CPAMD8: variants seen among roughly 807,000 people sequenced by gnomAD.
CPAMD8 encodes the protein C3 and PZP-like alpha-2-macroglobulin domain-containing protein 8.
A neutral mutation model predicts 224.7 loss-of-function variants in CPAMD8; 146 were observed. That is an observed-to-expected ratio of 0.65 (90% CI 0.57 to 0.75). The LOEUF (loss-of-function observed/expected upper bound fraction) is 0.75. Ranked by LOEUF, CPAMD8 falls within the 30% of genes least tolerant of loss-of-function variation. The probability of loss-of-function intolerance (pLI) is 0.00; values close to 1 mark genes in which losing one functional copy is unlikely to be tolerated. For missense variants in CPAMD8, 2,301 were observed against 2,537.5 expected, an observed-to-expected ratio of 0.91 and a Z score of 2.00; for synonymous variants, 966 against 1,044.6, an observed-to-expected ratio of 0.92 and a Z score of 1.45.
In CPAMD8 at chr19:16,928,088, C is replaced by A. The variant is rs2053428695; in HGVS notation, c.3291G>T (p.Glu1097Asp). ...CCAGGGTGAAGGCCTCGCTGTAGCT[C>A]TCGTCCACCTCCATCTTCCTCCAGA... ...FRIWRKMEVD[E>D]SYSEAFTLGV... The change falls in exon 25 of 42, where the codon GAG becomes GAT. Residue 1097 changes from glutamate to aspartate, a missense_variant. By Grantham distance (45) the Glu-to-Asp change is conservative. Coordinates refer to ENST00000443236, the MANE Select transcript of CPAMD8 (RefSeq NM_015692.5). 1.9e-6 allele frequency: 3 copies of A among 1,614,058 alleles called. No individual in the cohort carries two copies. Among genetic ancestry groups the A allele is most frequent in the Non-Finnish European group, 2.5e-6 (3 of 1,180,010 alleles).
intron 5 of CPAMD8, among the ~76,000 whole-genome samples, 188 bp downstream of exon 5, chr19:17,011,276 C>G (rs547909067): frequency 6.6e-6 from 1 of 152,136 alleles, no homozygotes; most frequent in Non-Finnish European, 1.5e-5. Context: ...GGCAGTGGGC[C>G]AGGCACGCCC....
At position 16,899,485 on chromosome 19, in the gene CPAMD8, TAG is replaced by T; in HGVS notation, c.4836_4837del (p.Phe1612LeufsTer3). 6.5e-7 allele frequency: 1 copy of T among 1,536,150 alleles called. No individual in the cohort carries two copies. The highest frequency in any genetic ancestry group is 9.0e-7 in the Non-Finnish European group (1 of 1,109,554). On this transcript the variant is annotated frameshift_variant, in exon 37 of 42. Transcript: ENST00000443236. LOFTEE classifies it high-confidence loss of function. This position sits in a 1 kb window ranked among gnomAD's most constrained non-coding sequence, Gnocchi z 5.4. The stretch of plus-strand genomic sequence containing the variant: ...CCCGGCTGGTGGTACCTCATCAAAG[TAG>T]AAGAGCACTCGGCGTCCAGCCACTT...
intron 20 of CPAMD8, among the ~76,000 whole-genome samples, chr19:16,948,277 A>G (rs1173785439): frequency 1.3e-5 from 2 of 152,206 alleles, no homozygotes; most frequent in Non-Finnish European, 2.9e-5. Flanking sequence ...AAGGACTGGC[A>G]CAGAGGCTGC....
chr19:16,961,654 G>T (rs781140727), intron 18 of CPAMD8, among the ~76,000 whole-genome samples: 7 of 152,238 alleles, frequency 4.6e-5, no homozygotes, highest in Non-Finnish European at 8.8e-5. Context: ...CAGCTCTGAA[G>T]ACAGCAGTCA....
chr19:16,904,176 A>ACCCCCCCCCCCCCCCCC, intron 32 of CPAMD8, 50 bp downstream of exon 32: 4 of 937,340 alleles, frequency 4.3e-6, no homozygotes, highest in East Asian at 2.6e-5. Context: ...GACTGCAGGG[A>ACCCCCCCCCCCCCCCCC]CCCCACCCAC....
chr19:16,926,449 C>A (rs1301073404), intron 25 of CPAMD8, among the ~76,000 whole-genome samples: 1 of 152,202 alleles, frequency 6.6e-6, no homozygotes, highest in Non-Finnish European at 1.5e-5. Flanking sequence ...TCCCAAGTAG[C>A]TGGGATTACA....
intron 17 of CPAMD8, among the ~76,000 whole-genome samples, chr19:16,974,781 A>C (rs1287477519): frequency 6.6e-6 from 1 of 152,116 alleles, no homozygotes; most frequent in Admixed American, 6.6e-5. Context: ...AGCCAGGGCC[A>C]CGTAGCAAGA....
chr19:16,931,495 C>T (rs527991276), intron 23 of CPAMD8, among the ~76,000 whole-genome samples: 32 of 152,280 alleles, frequency 2.1e-4, no homozygotes, highest in South Asian at 2.1e-4. Flanking sequence ...GCTTGGGAGC[C>T]GGAGGGTCAT....
intron 23 of CPAMD8, among the ~76,000 whole-genome samples, chr19:16,931,348 G>A (rs907079826): frequency 4.6e-5 from 7 of 152,260 alleles, no homozygotes; most frequent in African/African-American, 1.4e-4. Context: ...GCTCCTCCTA[G>A]GCATCTGAGG....
In CPAMD8 at chr19:16,970,932, T is replaced by C. The variant is rs764018304; in HGVS notation, c.2172A>G (p.Thr724=). Reference sequence around the variant, plus strand: ...AAGGAGCCACTGCCACCAGGCTCCCTGTGTGGGGCTGGAAAGCGGGGACAG... The same window carrying C: ...AAGGAGCCACTGCCACCAGGCTCCCCGTGTGGGGCTGGAAAGCGGGGACAG... ...DEAVPAFQPH[T]GSLVAVAPSR... Residue 724 remains threonine (T), a synonymous_variant, in exon 18 of 42, where the codon ACA becomes ACG. Coordinates refer to ENST00000443236, the MANE Select transcript of CPAMD8 (RefSeq NM_015692.5). The C allele has an allele frequency of 4.3e-6, 7 of 1,613,822 alleles. No homozygotes were observed. The Admixed American group carries it at 8.3e-5, about 19-fold the overall frequency.
intron 7 of CPAMD8, among the ~76,000 whole-genome samples, chr19:17,005,303 G>T (rs555198639): frequency 6.6e-6 from 1 of 152,200 alleles, no homozygotes; most frequent in African/African-American, 2.4e-5. Flanking sequence ...TGCACCCCTT[G>T]TCCTCCACAA....
chr19:16,896,772 C>T, intron 39 of CPAMD8, 107 bp from the exon 40 acceptor site: 1 of 754,394 alleles, frequency 1.3e-6, no homozygotes, highest in Non-Finnish European at 1.9e-6. Flanking sequence ...CCCACTACCC[C>T]CTCGGTGGGT....
At chr19:16,997,712 C>A (rs545764367) in intron 10 of CPAMD8, among the ~76,000 whole-genome samples, 1 of 151,864 alleles carries the variant, frequency 6.6e-6, no homozygotes, top group South Asian at 2.1e-4. Context: ...AATAGCTGGG[C>A]GTGGTGACAG....
intron 30 of CPAMD8, among the ~76,000 whole-genome samples, chr19:16,905,306 A>G (rs982984744): frequency 2.6e-5 from 4 of 151,370 alleles, no homozygotes; most frequent in African/African-American, 7.3e-5. Flanking sequence ...ATGGCAAGGC[A>G]CGGTGGCTCA....
At position 16,893,128 on chromosome 19, in the gene CPAMD8, T is replaced by C. The variant is rs182109236; in HGVS notation, c.5638A>G (p.Asn1880Asp). Residue 1880 changes from asparagine (N) to aspartate (D), a missense_variant, in exon 42 of 42, where the codon AAC becomes GAC. Asn to Asp is a conservative substitution (Grantham distance 23, BLOSUM62 1). Coordinates refer to ENST00000443236, the MANE Select transcript of CPAMD8 (RefSeq NM_015692.5). Reference protein sequence around the residue: ...SGGEEGLWMSNTCTLR With the variant: ...SGGEEGLWMSDTCTLR ...TAGGATTATCTCAAGGTGCAGGTGTTTGACATCCATAAACCCTCCTCCCCA... is the reference window on the plus strand; with the variant it reads ...TAGGATTATCTCAAGGTGCAGGTGTCTGACATCCATAAACCCTCCTCCCCA... 2.0e-3 allele frequency: 2,959 copies of C among 1,486,714 alleles called. 12 individuals are homozygous for C. The highest frequency in any genetic ancestry group is 8.6e-3 in the South Asian group (758 of 87,924). The allele number at this position is 1,486,714 out of a possible 1,614,324, so 92.1% of individuals were successfully genotyped here. A position where few individuals can be genotyped will look rare whatever the true frequency, so the allele number is the denominator to read the frequency against.
rs533531294 is a variant in CPAMD8, at chr19:16,970,171, G to A, written c.2213+720C>T. On this transcript the variant is annotated intron_variant, in intron 18 of 41. Coordinates refer to ENST00000443236, the MANE Select transcript of CPAMD8 (RefSeq NM_015692.5). The stretch of plus-strand genomic sequence containing the variant: ...GGAGAATGGCGTGAACCTGGGAGGC[G>A]GAGCTTGCAGTGAGCTGAGATCGCA... Among the ~76,000 whole-genome samples, 18 of 147,170 alleles carry A rather than the reference G, an allele frequency of 1.2e-4. No individual in the cohort carries two copies. In the South Asian group the frequency reaches 1.9e-3, roughly 16 times the overall value.
chr19:16,932,529 T>C (rs2053574931), intron 23 of CPAMD8, among the ~76,000 whole-genome samples: 1 of 151,832 alleles, frequency 6.6e-6, no homozygotes, highest in Non-Finnish European at 1.5e-5. Context: ...ACCAAACAAA[T>C]TCTGAAACTG....
At position 16,921,935 on chromosome 19, in the gene CPAMD8, A is replaced by G. The variant is rs772846672; in HGVS notation, c.3599T>C (p.Phe1200Ser). ...YKRQDGSYSA[F>S]GERDASGSMW... ...GCTCCCCGATGCGTCCCGCTCCCCA[A>G]ACGCGCTGTAGGAGCCATCCTGGCG... The change falls in exon 27 of 42, where the codon TTT (phenylalanine) becomes TCT (serine). Residue 1200 changes from phenylalanine (F) to serine (S), a missense_variant. This residue lies in a region of CPAMD8 where 1,709 missense variants were observed against 1,753.2 expected (regional missense o/e 0.97). Coordinates refer to ENST00000443236, the MANE Select transcript of CPAMD8 (RefSeq NM_015692.5). The G allele has an allele frequency of 1.6e-5, 25 of 1,547,062 alleles. No homozygotes were observed. Among genetic ancestry groups the G allele is most frequent in the Non-Finnish European group, 2.2e-5 (25 of 1,146,738 alleles).
At chr19:16,927,580 C>T (rs939366808) in intron 25 of CPAMD8, among the ~76,000 whole-genome samples, 1 of 152,140 alleles carries the variant, frequency 6.6e-6, no homozygotes, top group Non-Finnish European at 1.5e-5. Context: ...CGGACGCCTG[C>T]CCCATCACCA....
Sources: gnomAD v4.1 joint callset for allele counts (sites outside exome capture counted in the v4.1 genomes callset) on GRCh38, gnomAD v4.1.1 for gene constraint, gnomAD v4.1.1 regional missense constraint, Gnocchi (gnomAD v3.1) non-coding constraint, MANE v1.5 for transcripts, NCBI Gene and HGNC (gene_info 2026-07-23, HGNC 2026-07-21) for gene names.